Variants in COL4A1 observed in about 807,000 individuals in gnomAD.
COL4A1 encodes collagen type IV alpha 1 chain, also known as collagen alpha-1(IV) chain.
A neutral mutation model predicts 216.6 loss-of-function variants in COL4A1; 40 were observed. That is an observed-to-expected ratio of 0.18 (90% CI 0.14 to 0.24). The LOEUF (loss-of-function observed/expected upper bound fraction) is 0.24. COL4A1 is among the 10% of genes least tolerant of loss of function. The pLI is 1.00. For missense variants in COL4A1, 1,628 were observed against 2,196.8 expected, an observed-to-expected ratio of 0.74 and a Z score of 5.18; for synonymous variants, 839 against 810.7, an observed-to-expected ratio of 1.03 and a Z score of -0.59.
intron 14 of COL4A1, 24 bp downstream of exon 14, chr13:110,206,841 G>A (rs1448355856): frequency 1.9e-6 from 3 of 1,613,892 alleles, no homozygotes; most frequent in Non-Finnish European, 2.5e-6. Flanking sequence ...ACCTAAAAAT[G>A]ATAGGCAGAA....
intron 51 of COL4A1, among the ~76,000 whole-genome samples, chr13:110,151,819 G>A (rs1876514104): frequency 1.3e-5 from 2 of 152,182 alleles, no homozygotes; most frequent in South Asian, 2.1e-4. Context: ...TTTTAAAGGT[G>A]AGATTTTGGT....
chr13:110,218,367 A>G (rs1420725829), intron 2 of COL4A1, among the ~76,000 whole-genome samples: 12 of 152,160 alleles, frequency 7.9e-5, no homozygotes, highest in Admixed American at 7.9e-4. Flanking sequence ...TACGCACGGA[A>G]TGAGTACGGG....
chr13:110,287,149 C>T (rs985479404), intron 1 of COL4A1, among the ~76,000 whole-genome samples: 3 of 152,168 alleles, frequency 2.0e-5, no homozygotes, highest in Non-Finnish European at 4.4e-5. Flanking sequence ...AAGGCCAAGC[C>T]ACAGGGCACT....
At chr13:110,181,941 T>C (rs1052100326) in intron 28 of COL4A1, among the ~76,000 whole-genome samples, 7 of 152,182 alleles carry the variant, frequency 4.6e-5, no homozygotes, top group African/African-American at 1.7e-4. Context: ...CACTGAGGTC[T>C]CCGATGTCCA....
chr13:110,216,854 A>G (rs930981162), intron 2 of COL4A1, among the ~76,000 whole-genome samples: 4 of 152,164 alleles, frequency 2.6e-5, no homozygotes, highest in Admixed American at 6.5e-5. Flanking sequence ...TGCTTAACTG[A>G]CTTGTCGTAC....
chr13:110,163,972 CTT>C (rs1481288207), intron 46 of COL4A1, among the ~76,000 whole-genome samples: 13 of 137,210 alleles, frequency 9.5e-5, no homozygotes, highest in Non-Finnish European at 1.4e-4. Context: ...CTTCTTCTTT[CTT>C]TCTCTCTCTC....
At chr13:110,206,992 A>G in intron 13 of COL4A1, 101 bp from the exon 14 acceptor site, 1 of 1,213,240 alleles carries the variant, frequency 8.2e-7, no homozygotes, top group Non-Finnish European at 1.2e-6. Flanking sequence ...CCTTTTTCTG[A>G]TATATTAACA....
At chr13:110,217,342 T>C (rs957833312) in intron 2 of COL4A1, among the ~76,000 whole-genome samples, 1 of 152,224 alleles carries the variant, frequency 6.6e-6, no homozygotes, top group Non-Finnish European at 1.5e-5. Context: ...AGCCAGACTT[T>C]GCAGCTGCAA....
At chr13:110,246,278 GC>G (rs1298295281) in intron 1 of COL4A1, among the ~76,000 whole-genome samples, 5 of 151,820 alleles carry the variant, frequency 3.3e-5, no homozygotes, top group Non-Finnish European at 7.4e-5. Flanking sequence ...TCATATAAGG[GC>G]CCGTGCTGGG....
At chr13:110,248,305 C>T (rs1371005030) in intron 1 of COL4A1, among the ~76,000 whole-genome samples, 1 of 152,174 alleles carries the variant, frequency 6.6e-6, no homozygotes, top group Non-Finnish European at 1.5e-5. Context: ...CACACGCTCC[C>T]GGCGGGATTG....
At position 110,268,741 on chromosome 13, in the gene COL4A1, C is replaced by G. The variant is rs1401095231; in HGVS notation, c.85-26007G>C. 6.6e-6 allele frequency among the ~76,000 whole-genome samples: 1 copy of G among 152,180 alleles called. No homozygotes were observed. The highest frequency in any genetic ancestry group is 1.5e-5 in the Non-Finnish European group (1 of 68,042). On this transcript the variant is annotated intron_variant, in intron 1 of 51. Transcript: ENST00000375820. This position sits in a 1 kb window ranked among gnomAD's most constrained non-coding sequence, Gnocchi z 4.1. ...CACCTGCCTCTTAACACAACTGGGACAAGGAAATCAGCTGACTTCCAGGAC... is the reference window on the plus strand; with the variant it reads ...CACCTGCCTCTTAACACAACTGGGAGAAGGAAATCAGCTGACTTCCAGGAC...
At position 110,161,201 on chromosome 13, in the gene COL4A1, A is replaced by T; in HGVS notation, c.4631T>A (p.Phe1544Tyr). ...CAGATGCTCGACTCACCTACTAATA[A>T]ATGGTCTTATGTTTTCCCCCGTGAT... is the stretch of plus-strand genomic sequence containing the variant. The part of the protein sequence containing the change: ...APITGENIRP[F>Y]ISRCAVCEAP... The change falls in exon 49 of 52, where the codon TTT becomes TAT. Residue 1544 changes from phenylalanine (F) to tyrosine (Y), a missense_variant. This residue lies in a region of COL4A1 where 254 missense variants were observed against 300.1 expected (regional missense o/e 0.85). Transcript: ENST00000375820. 6.2e-7 allele frequency: 1 copy of T among 1,614,134 alleles called. No homozygotes were observed.
At chr13:110,253,909 C>A (rs1166435849) in intron 1 of COL4A1, among the ~76,000 whole-genome samples, 1 of 151,634 alleles carries the variant, frequency 6.6e-6, no homozygotes, top group African/African-American at 2.4e-5. Flanking sequence ...TCATGCCCAT[C>A]AACATGATTA....
chr13:110,198,078 GGTGTGTGT>G lies in COL4A1; in HGVS notation c.1285+381_1285+388del, dbSNP rs35751015. 2.7e-4 allele frequency among the ~76,000 whole-genome samples: 39 copies of G among 141,932 alleles called. No individual in the cohort carries two copies. In the East Asian group the frequency reaches 4.4e-3, roughly 16 times the overall value. The allele number at this position is 141,932 out of a possible 152,430, so 93.1% of individuals were successfully genotyped here. A position where few individuals can be genotyped will look rare whatever the true frequency, so the allele number is the denominator to read the frequency against. On this transcript the variant is annotated intron_variant, in intron 21 of 51. Coordinates refer to ENST00000375820, the MANE Select transcript of COL4A1 (RefSeq NM_001845.6). ...GTAATCCTGTCTTCCTTGTTTCTGG[GGTGTGTGT>G]GTGTGTGTGTGTGTGTGTGTGTGTG...
chr13:110,176,942 T>C lies in COL4A1; in HGVS notation c.2812A>G (p.Met938Val), dbSNP rs1877916102. The change falls in exon 34 of 52, where the codon ATG (methionine) becomes GTG (valine). Residue 938 changes from methionine (M) to valine (V), a missense_variant. By Grantham distance (21) the Met-to-Val change is conservative (BLOSUM62 1). This residue lies in a region of COL4A1 where 701 missense variants were observed against 892.5 expected (regional missense o/e 0.79). Coordinates refer to ENST00000375820, the MANE Select transcript of COL4A1 (RefSeq NM_001845.6). ...ATGCTGCCCATGTCCACCTTATCCA[T>C]GGAGCCAGGCTTGCCAGGGAGACCG... The part of the protein sequence containing the change: ...DVGLPGKPGS[M>V]DKVDMGSMKG... 3 of 1,614,170 alleles carry C rather than the reference T, an allele frequency of 1.9e-6. No individual in the cohort carries two copies. Among genetic ancestry groups the C allele is most frequent in the South Asian group, 1.1e-5 (1 of 91,080 alleles).
intron 2 of COL4A1, among the ~76,000 whole-genome samples, chr13:110,228,396 C>T (rs1471755461): frequency 6.6e-6 from 1 of 152,148 alleles, no homozygotes; most frequent in African/African-American, 2.4e-5. Flanking sequence ...AATGACTACC[C>T]ACTTCCGGGC....
At chr13:110,244,500 T>C (rs536531049) in intron 1 of COL4A1, among the ~76,000 whole-genome samples, 2 of 152,290 alleles carry the variant, frequency 1.3e-5, no homozygotes, top group East Asian at 1.9e-4. Flanking sequence ...TCCAAAGAGA[T>C]GAGGCCAAAA....
Position 110,264,311 on chromosome 13 carries a change from C to G in COL4A1, c.85-21577G>C, listed in dbSNP as rs960319610. Among the ~76,000 whole-genome samples the G allele has an allele frequency of 3.9e-5, 6 of 152,258 alleles. No individual in the cohort carries two copies. The South Asian group carries it at 8.3e-4, about 21-fold the overall frequency. The stretch of plus-strand genomic sequence containing the variant: ...GCTCTCAGAACCCTGTTTGCCATTC[C>G]CAGTAGAATCATTCATTCTGTCCTC... On this transcript the variant is annotated intron_variant, in intron 1 of 51. Coordinates refer to ENST00000375820, the MANE Select transcript of COL4A1 (RefSeq NM_001845.6).
chr13:110,306,207 T>C (rs1324899931), intron 1 of COL4A1, among the ~76,000 whole-genome samples: 1 of 152,124 alleles, frequency 6.6e-6, no homozygotes, highest in Non-Finnish European at 1.5e-5. Context: ...AAATGAAAAC[T>C]AGAAAAACAA....
Sources: gnomAD v4.1 joint callset for allele counts (sites outside exome capture counted in the v4.1 genomes callset) on GRCh38, gnomAD v4.1.1 for gene constraint, gnomAD v4.1.1 regional missense constraint, Gnocchi (gnomAD v3.1) non-coding constraint, MANE v1.5 for transcripts, NCBI Gene and HGNC (gene_info 2026-07-23, HGNC 2026-07-21) for gene names.